The following PLEKHG1 variants were observed in gnomAD, a reference collection of about 807,000 sequenced individuals.
PLEKHG1 encodes pleckstrin homology and RhoGEF domain containing G1.
Under a neutral mutation model 100.8 loss-of-function variants are expected in PLEKHG1, and 44 were observed. That is an observed-to-expected ratio of 0.44 (90% CI 0.34 to 0.56). PLEKHG1 has a LOEUF of 0.56. Among genes scored for constraint, PLEKHG1 ranks in the 20% least tolerant of loss-of-function variants. The pLI is 0.01. For missense variants in PLEKHG1, 1,545 were observed against 1,720.9 expected, an observed-to-expected ratio of 0.90 and a Z score of 1.81; for synonymous variants, 640 against 662.5, an observed-to-expected ratio of 0.97 and a Z score of 0.52.
At chr6:150,603,332 C>T (rs535342235) in intron 1 of PLEKHG1, among the ~76,000 whole-genome samples, 2 of 152,230 alleles carry the variant, frequency 1.3e-5, no homozygotes, top group African/African-American at 4.8e-5. Context: ...CCAATCCATT[C>T]GGTCATTCAG....
chr6:150,687,486 T>G (rs1166939002), intron 3 of PLEKHG1, among the ~76,000 whole-genome samples: 1 of 152,244 alleles, frequency 6.6e-6, no homozygotes, highest in Non-Finnish European at 1.5e-5. Flanking sequence ...TATAGCTTTC[T>G]TGTTAACTTA....
At chr6:150,638,961 T>A (rs1180209994) in intron 2 of PLEKHG1, among the ~76,000 whole-genome samples, 2 of 152,222 alleles carry the variant, frequency 1.3e-5, no homozygotes, top group Non-Finnish European at 2.9e-5. Flanking sequence ...ACCACATGTG[T>A]AAACATCATT....
At chr6:150,823,165 T>C (rs1776399353) in intron 13 of PLEKHG1, among the ~76,000 whole-genome samples, 1 of 152,034 alleles carries the variant, frequency 6.6e-6, no homozygotes, top group Non-Finnish European at 1.5e-5. Context: ...TTAGGCTAGC[T>C]CTAAGGGTGT....
chr6:150,751,219 A>T (rs543420188), intron 2 of PLEKHG1, among the ~76,000 whole-genome samples: 1 of 152,302 alleles, frequency 6.6e-6, no homozygotes, highest in South Asian at 2.1e-4. Flanking sequence ...ACGTGTCTTC[A>T]TGTAGTTGGA....
At chr6:150,819,179 C>T (rs1227146234) in intron 11 of PLEKHG1, among the ~76,000 whole-genome samples, 3 of 149,944 alleles carry the variant, frequency 2.0e-5, no homozygotes, top group Non-Finnish European at 4.4e-5. Context: ...CTAATAGACT[C>T]CTAGAAGTCC....
chr6:150,728,548 C>G (rs1405279168), intron 1 of PLEKHG1, among the ~76,000 whole-genome samples: 1 of 151,686 alleles, frequency 6.6e-6, no homozygotes, highest in African/African-American at 2.4e-5. Context: ...TGCACTCCAG[C>G]CTGGGTGACA....
chr6:150,697,546 T>C (rs977896725), intron 3 of PLEKHG1, among the ~76,000 whole-genome samples: 1 of 152,174 alleles, frequency 6.6e-6, no homozygotes, highest in African/African-American at 2.4e-5. Flanking sequence ...CTTCTCCTAA[T>C]TGAGAATCTC....
At chr6:150,830,803 G>C in exon 15 of PLEKHG1, 1 of 1,614,086 alleles carries the variant, frequency 6.2e-7, no homozygotes. Context: ...TGTTCGTGCC[G>C]TCATTTTCCT....
At position 150,804,770 on chromosome 6, in the gene PLEKHG1, AG is replaced by A. The variant is rs751179010; in HGVS notation, c.912+32del. On this transcript the variant is annotated intron_variant, in intron 7 of 15. Transcript: ENST00000358517. ...AGCCCGCGAGGTGTCGGTGCCCGGC[AG>A]GGTTGCAGGTGTAGTGACTTACTGT... 6.8e-6 allele frequency: 11 copies of A among 1,609,182 alleles called. No homozygotes were observed. In the Admixed American group the frequency reaches 1.5e-4, roughly 22 times the overall value.
chr6:150,741,451 T>C (rs1402455050), intron 2 of PLEKHG1, among the ~76,000 whole-genome samples: 1 of 152,190 alleles, frequency 6.6e-6, no homozygotes, highest in African/African-American at 2.4e-5. Context: ...GCTATAAACA[T>C]ACTATTCAGC....
chr6:150,841,564 G>A (rs1487189829), exon 16 of PLEKHG1: 10 of 152,492 alleles, frequency 6.6e-5, no homozygotes, highest in Non-Finnish European at 1.2e-4. Context: ...CCTAGAGAAC[G>A]AGCTGCTCAT....
Position 150,834,011 on chromosome 6 carries a change from CT to C in PLEKHG1, c.3094+1816del, listed in dbSNP as rs769930351. ...TTACATAACAAGAATCTGTAGGGAA[CT>C]TTTTTTTTTAAGTTTGAGAGTATTT... On this transcript the variant is annotated intron_variant, in intron 15 of 15. Transcript: ENST00000358517. 2.2e-3 allele frequency among the ~76,000 whole-genome samples: 326 copies of C among 149,746 alleles called. 5 individuals are homozygous for C. In the East Asian group the frequency reaches 0.054, roughly 25 times the overall value.
intron 3 of PLEKHG1, among the ~76,000 whole-genome samples, chr6:150,655,141 A>G (rs7757770): frequency 0.12 from 18,469 of 152,286 alleles, 1,253 homozygotes; most frequent in East Asian, 0.26. Flanking sequence ...TTTCCTTTAA[A>G]AAAGTCTCCT....
chr6:150,654,414 T>C (rs1376201295), intron 3 of PLEKHG1, among the ~76,000 whole-genome samples: 1 of 152,178 alleles, frequency 6.6e-6, no homozygotes, highest in Non-Finnish European at 1.5e-5. Flanking sequence ...GCGGCAGCGC[T>C]CTTCCCTGGA....
intron 3 of PLEKHG1, among the ~76,000 whole-genome samples, chr6:150,665,573 T>C (rs1309027938): frequency 6.6e-6 from 1 of 151,946 alleles, no homozygotes; most frequent in African/African-American, 2.4e-5. Context: ...GAGGTTGCAG[T>C]GATCCAAGAT....
At position 150,784,944 on chromosome 6, in the gene PLEKHG1, G is replaced by A. The variant is rs563192441; in HGVS notation, c.513-1446G>A. On this transcript the variant is annotated intron_variant, in intron 3 of 15. Transcript: ENST00000358517. ...AGAACTAGTTAAGAAGGCTGGCCAC[G>A]GTTGCTCACACTACCCAGCGCTTCA... Among the ~76,000 whole-genome samples the A allele has an allele frequency of 4.6e-5, 7 of 151,764 alleles. No individual in the cohort carries two copies. In the South Asian group the frequency reaches 6.3e-4, roughly 14 times the overall value.
chr6:150,729,684 G>A (rs1420853342), intron 1 of PLEKHG1, among the ~76,000 whole-genome samples: 1 of 152,162 alleles, frequency 6.6e-6, no homozygotes, highest in Non-Finnish European at 1.5e-5. Flanking sequence ...TGGTAATTTT[G>A]GAAGGTCTTT....
At chr6:150,652,787 A>G (rs1778805274) in intron 3 of PLEKHG1, among the ~76,000 whole-genome samples, 3 of 151,662 alleles carry the variant, frequency 2.0e-5, no homozygotes, top group Non-Finnish European at 4.4e-5. Context: ...TCTTTTTTTT[A>G]ACCAAGCAAT....
At chr6:150,718,476 T>TTC (rs1467503454), upstream of PLEKHG1, among the ~76,000 whole-genome samples, 2 of 149,858 alleles carry the variant, frequency 1.3e-5, no homozygotes, top group Admixed American at 1.3e-4. Context: ...TTACTTTTTT[T>TTC]TTTTTTTTTT....
Sources: allele counts gnomAD v4.1 joint callset (sites outside exome capture counted in the v4.1 genomes callset), GRCh38; gene constraint gnomAD v4.1.1; transcripts MANE v1.5; gene names NCBI Gene and HGNC (gene_info 2026-07-23, HGNC 2026-07-21).